Variants in GPC3 observed in about 807,000 individuals in gnomAD.
The protein encoded by GPC3 is glypican-3.
A neutral mutation model predicts 34.4 loss-of-function variants in GPC3; 3 were observed. The ratio of observed to expected loss-of-function variants is 0.09; its 90% CI spans 0.04 to 0.23. The LOEUF (loss-of-function observed/expected upper bound fraction) is 0.23, where lower values mean the gene tolerates loss of function less well. GPC3 is among the 10% of genes least tolerant of loss of function. GPC3 has a pLI of 1.00. For missense variants in GPC3, 351 were observed against 445.6 expected (o/e 0.79, Z 1.91); for synonymous variants, 177 against 174.0 (o/e 1.02, Z -0.13).
intron 2 of GPC3, among the ~76,000 whole-genome samples, chrX:133,793,122 C>A (rs1443307565): frequency 9.1e-6 from 1 of 110,486 alleles, no homozygotes; most frequent in Non-Finnish European, 1.9e-5. Flanking sequence ...GCTGACATTA[C>A]AAGTTGCTTA....
At chrX:133,640,068 T>C (rs1324882152) in intron 6 of GPC3, among the ~76,000 whole-genome samples, 2 of 111,520 alleles carry the variant, frequency 1.8e-5, no homozygotes, top group African/African-American at 3.3e-5. Context: ...GTAAAAAATA[T>C]TTGGGGAAGG....
At chrX:133,597,892 G>A (rs894716371) in intron 6 of GPC3, among the ~76,000 whole-genome samples, 2 of 110,568 alleles carry the variant, frequency 1.8e-5, no homozygotes, top group African/African-American at 6.6e-5. Context: ...TGCCACTTCC[G>A]CTGCTGCTCA....
At chrX:133,930,399 T>C (rs2076293376) in intron 2 of GPC3, among the ~76,000 whole-genome samples, 1 of 112,276 alleles carries the variant, frequency 8.9e-6, no homozygotes. Flanking sequence ...AATGCCAATA[T>C]TGAAAAACCC....
At chrX:133,869,985 C>T (rs1351265191) in intron 2 of GPC3, among the ~76,000 whole-genome samples, 4 of 111,382 alleles carry the variant, frequency 3.6e-5, no homozygotes, top group East Asian at 2.8e-4. Flanking sequence ...AAAAGAGTAC[C>T]GGGCAACTAC....
intron 3 of GPC3, among the ~76,000 whole-genome samples, chrX:133,718,240 A>C (rs1879648299): frequency 8.9e-6 from 1 of 112,420 alleles, no homozygotes; most frequent in Non-Finnish European, 1.9e-5. Flanking sequence ...ATCTGTGTTG[A>C]TCGGAATACA....
chrX:133,594,725 A>T (rs1441150956), intron 7 of GPC3, among the ~76,000 whole-genome samples: 1 of 111,086 alleles, frequency 9.0e-6, no homozygotes, highest in Non-Finnish European at 1.9e-5. Flanking sequence ...AAAAATAAGG[A>T]GTTGCTGTTC....
intron 2 of GPC3, among the ~76,000 whole-genome samples, chrX:133,842,454 G>A (rs1274436956): frequency 6.6e-5 from 7 of 106,692 alleles, no homozygotes; most frequent in East Asian, 2.9e-4. Context: ...TTACATACCC[G>A]TTAGTTCTGT....
At chrX:133,594,897 A>AT (rs984061225) in intron 7 of GPC3, among the ~76,000 whole-genome samples, 3 of 110,551 alleles carry the variant, frequency 2.7e-5, no homozygotes, top group Non-Finnish European at 3.8e-5. Context: ...TAAATAAATC[A>AT]TAAAAAAAAG....
At chrX:133,772,349 C>CA (rs1307686755) in intron 2 of GPC3, among the ~76,000 whole-genome samples, 1 of 110,669 alleles carries the variant, frequency 9.0e-6, no homozygotes, top group Non-Finnish European at 1.9e-5. Context: ...TGATCATAAA[C>CA]AAAGGTGCTG....
At chrX:133,840,379 G>A (rs1182672892) in intron 2 of GPC3, among the ~76,000 whole-genome samples, 1 of 111,004 alleles carries the variant, frequency 9.0e-6, no homozygotes, top group Non-Finnish European at 1.9e-5. Context: ...GGATTACAAA[G>A]AGATTTTGAG....
intron 2 of GPC3, among the ~76,000 whole-genome samples, chrX:133,782,526 T>C (rs2072058413): frequency 8.9e-6 from 1 of 111,963 alleles, no homozygotes; most frequent in Non-Finnish European, 1.9e-5. Flanking sequence ...CTATTCTATA[T>C]TTCCATCCCC....
At chrX:133,782,562 G>C (rs1421826647) in intron 2 of GPC3, among the ~76,000 whole-genome samples, 1 of 110,995 alleles carries the variant, frequency 9.0e-6, no homozygotes, top group Non-Finnish European at 1.9e-5. Flanking sequence ...CCTTCCTCTT[G>C]TTCTTTTCAT....
intron 1 of GPC3, among the ~76,000 whole-genome samples, chrX:133,970,645 T>G (rs2076487569): frequency 9.5e-6 from 1 of 105,095 alleles, no homozygotes; most frequent in Non-Finnish European, 1.9e-5. Context: ...TCAAGCAAAG[T>G]GCAAAGGAAT....
intron 2 of GPC3, among the ~76,000 whole-genome samples, chrX:133,799,183 C>T (rs1245221186): frequency 9.0e-6 from 1 of 111,436 alleles, no homozygotes; most frequent in South Asian, 3.9e-4. Flanking sequence ...CTTGAGGCCA[C>T]GTGTTTGAAA....
At chrX:133,768,929 G>A (rs2071882771) in intron 2 of GPC3, among the ~76,000 whole-genome samples, 1 of 108,498 alleles carries the variant, frequency 9.2e-6, no homozygotes, top group Non-Finnish European at 1.9e-5. Context: ...GACAGAGCAA[G>A]ACACTGTCTC....
chrX:133,865,147 C>G (rs2075961019), intron 2 of GPC3, among the ~76,000 whole-genome samples: 1 of 111,653 alleles, frequency 9.0e-6, no homozygotes, highest in South Asian at 3.8e-4. Flanking sequence ...GTATCCCACA[C>G]AAAAATAAAG....
intron 1 of GPC3, among the ~76,000 whole-genome samples, chrX:133,976,966 T>TAAATAAAAAAAA (rs61628394): frequency 3.7e-5 from 4 of 108,983 alleles, no homozygotes; most frequent in African/African-American, 1.3e-4. Flanking sequence ...AATAAATAAA[T>TAAATAAAAAAAA]GAGGGGCAAC....
At chrX:133,933,061 A>G (rs763557839) in intron 2 of GPC3, among the ~76,000 whole-genome samples, 1 of 111,653 alleles carries the variant, frequency 9.0e-6, no homozygotes, top group East Asian at 2.8e-4. Context: ...TATGGACTAG[A>G]CATGTAATAG....
intron 1 of GPC3, among the ~76,000 whole-genome samples, chrX:133,965,333 C>T (rs1171716632): frequency 9.0e-6 from 1 of 111,301 alleles, no homozygotes; most frequent in Non-Finnish European, 1.9e-5. Flanking sequence ...CAACCCAGAA[C>T]ACCTGGATAG....
Sources: gnomAD v4.1 joint callset for allele counts (sites outside exome capture counted in the v4.1 genomes callset) on GRCh38, gnomAD v4.1.1 for gene constraint, MANE v1.5 for transcripts, NCBI Gene and HGNC (gene_info 2026-07-23, HGNC 2026-07-21) for gene names.